The following LOXHD1 variants were observed in gnomAD, a reference collection of about 807,000 sequenced individuals.
LOXHD1 encodes lipoxygenase homology PLAT domains 1, also known as lipoxygenase homology domain-containing protein 1.
A neutral mutation model predicts 248.2 loss-of-function variants in LOXHD1; 205 were observed. That is an observed-to-expected ratio of 0.83 (90% CI 0.74 to 0.93). LOXHD1 has a LOEUF of 0.93. Among genes scored for constraint, LOXHD1 ranks in the 40% least tolerant of loss-of-function variants. The pLI, the probability that LOXHD1 is intolerant of heterozygous loss-of-function variation, is 0.00. For missense variants in LOXHD1, 2,930 were observed against 2,971.6 expected, an observed-to-expected ratio of 0.99 and a Z score of 0.33; for synonymous variants, 1,113 against 1,162.8, an observed-to-expected ratio of 0.96 and a Z score of 0.87.
chr18:46,649,160 G>A lies in LOXHD1; in HGVS notation c.240C>T (p.Thr80=), dbSNP rs1198958401. The A allele has an allele frequency of 6.4e-7, 1 of 1,551,570 alleles. No individual in the cohort carries two copies. The highest frequency in any genetic ancestry group is 8.7e-7 in the Non-Finnish European group (1 of 1,146,844). Residue 80 remains threonine (T), a synonymous_variant, in exon 2 of 41, where the codon ACC becomes ACT. Coordinates refer to ENST00000642948, the MANE Select transcript of LOXHD1 (RefSeq NM_001384474.1). The stretch of plus-strand genomic sequence containing the variant: ...AAGGCCAAGTGGGTACTCACTTGCT[G>A]GTGAGCTGGAGCTTGGGAGAGAGCC... ...ENGLSPKLQL[T]SKSKSAFEKG...
intron 29 of LOXHD1, among the ~76,000 whole-genome samples, chr18:46,528,870 A>G: frequency 6.6e-6 from 1 of 152,082 alleles, no homozygotes; most frequent in East Asian, 1.9e-4. Context: ...TGCACAGTGA[A>G]CTGGATTTTC....
At chr18:46,562,979 T>C in intron 18 of LOXHD1, 86 bp downstream of exon 18, 2 of 1,446,652 alleles carry the variant, frequency 1.4e-6, no homozygotes, top group South Asian at 1.4e-5. Context: ...GGGTGAGTAT[T>C]GACTGAGGAA....
chr18:46,509,941 C>T (rs2034856220), intron 34 of LOXHD1, 126 bp from the exon 35 acceptor site: 2 of 684,864 alleles, frequency 2.9e-6, no homozygotes, highest in East Asian at 2.7e-5. Context: ...AGCCCCTCTG[C>T]TCTCAGCAAC....
At chr18:46,540,390 C>A (rs986560501) in intron 25 of LOXHD1, among the ~76,000 whole-genome samples, 9 of 152,196 alleles carry the variant, frequency 5.9e-5, no homozygotes, top group Admixed American at 5.2e-4. Context: ...CAGCCTCGAC[C>A]CTGCTGGGTG....
intron 1 of LOXHD1, among the ~76,000 whole-genome samples, chr18:46,650,168 C>A (rs1214910755): frequency 6.6e-6 from 1 of 152,130 alleles, no homozygotes; most frequent in Non-Finnish European, 1.5e-5. Flanking sequence ...ACTCATGTCT[C>A]CAAAATAATT....
intron 14 of LOXHD1, among the ~76,000 whole-genome samples, chr18:46,576,914 G>A (rs2037868435): frequency 2.6e-5 from 4 of 152,200 alleles, no homozygotes; most frequent in African/African-American, 9.7e-5. Context: ...TTACTGGGCA[G>A]CTGTGCAACT....
intron 20 of LOXHD1, 132 bp from the exon 21 acceptor site, chr18:46,557,621 G>T (rs1356532959): frequency 9.2e-7 from 1 of 1,083,226 alleles, no homozygotes; most frequent in East Asian, 2.6e-5. Context: ...CAGGAGTGGG[G>T]ATGATGGAGA....
chr18:46,581,522 G>A (rs558613109), intron 12 of LOXHD1, among the ~76,000 whole-genome samples: 6 of 152,242 alleles, frequency 3.9e-5, no homozygotes, highest in Admixed American at 1.3e-4. Flanking sequence ...TGGAGGGTCA[G>A]GATTGGTGAT....
intron 8 of LOXHD1, among the ~76,000 whole-genome samples, chr18:46,600,068 C>T (rs1312519597): frequency 6.6e-6 from 1 of 152,188 alleles, no homozygotes; most frequent in Non-Finnish European, 1.5e-5. Flanking sequence ...TGACCTAGCA[C>T]TTTCATTCTG....
At chr18:46,656,721 A>G (rs2039186886) in intron 1 of LOXHD1, among the ~76,000 whole-genome samples, 183 bp downstream of exon 1, 1 of 152,194 alleles carries the variant, frequency 6.6e-6, no homozygotes, top group South Asian at 2.1e-4. Flanking sequence ...TACAACAGGG[A>G]CCCCACCATC....
chr18:46,544,430 G>A (rs2036705924), intron 23 of LOXHD1, among the ~76,000 whole-genome samples: 1 of 151,596 alleles, frequency 6.6e-6, no homozygotes, highest in South Asian at 2.1e-4. Flanking sequence ...CTTTGATCAT[G>A]GTTCAGGAAT....
intron 1 of LOXHD1, 56 bp from the exon 2 acceptor site, chr18:46,649,325 T>C: frequency 1.4e-6 from 2 of 1,434,608 alleles, no homozygotes; most frequent in Non-Finnish European, 1.9e-6. Flanking sequence ...CGGAATCCTG[T>C]GTGGGCCTGG....
At position 46,533,301 on chromosome 18, in the gene LOXHD1, T is replaced by G. The variant is rs1424634800; in HGVS notation, c.4236A>C (p.Pro1412=). The G allele has an allele frequency of 6.4e-7, 1 of 1,551,674 alleles. No individual in the cohort carries two copies. The highest frequency in any genetic ancestry group is 8.7e-7 in the Non-Finnish European group (1 of 1,147,014). The part of the protein sequence containing the change: ...DKDGAETLTF[P]CDRWLATSED... ...CAGAGGTGGCAAGCCACCGATCGCATGGGAAAGTCAAGGTCTCTGCACCCT... is the reference window on the plus strand; with the variant it reads ...CAGAGGTGGCAAGCCACCGATCGCAGGGGAAAGTCAAGGTCTCTGCACCCT... The change falls in exon 28 of 41, where the codon CCA becomes CCC. Residue 1412 remains proline, a synonymous_variant. Coordinates refer to ENST00000642948, the MANE Select transcript of LOXHD1 (RefSeq NM_001384474.1).
chr18:46,546,308 TACTCCACTCC>T (rs1160074132), intron 22 of LOXHD1, among the ~76,000 whole-genome samples: 1 of 151,330 alleles, frequency 6.6e-6, no homozygotes, highest in South Asian at 2.1e-4. Context: ...CATTCCATTC[TACTCCACTCC>T]ACTCCACTCC....
chr18:46,586,162 T>C (rs1482715156), intron 12 of LOXHD1, among the ~76,000 whole-genome samples: 2 of 152,204 alleles, frequency 1.3e-5, no homozygotes, highest in Admixed American at 6.5e-5. Flanking sequence ...GGTCACATAT[T>C]GTATGACTCT....
chr18:46,560,043 GCCACTCCCTCC>G, intron 19 of LOXHD1, 29 bp downstream of exon 19: 4 of 1,401,406 alleles, frequency 2.9e-6, no homozygotes, highest in Non-Finnish European at 3.9e-6. Flanking sequence ...GAACTGTCTG[GCCACTCCCTCC>G]CCACCCCCAC....
chr18:46,524,795 G>A lies in LOXHD1; in HGVS notation c.4653C>T (p.Thr1551=), dbSNP rs948582350. The part of the protein sequence containing the change: ...YVEKVEIWND[T]NEDEFLFLCG... ...ATAGGAACAGGAACTCGTCCTCGTTGGTGTCATTCCAGATCTCCACCTTCT... is the reference window on the plus strand; with the variant it reads ...ATAGGAACAGGAACTCGTCCTCGTTAGTGTCATTCCAGATCTCCACCTTCT... Residue 1551 remains threonine (T), a synonymous_variant, in exon 30 of 41, where the codon ACC becomes ACT. Transcript: ENST00000642948. 6.4e-7 allele frequency: 1 copy of A among 1,551,734 alleles called. No homozygotes were observed.
intron 5 of LOXHD1, among the ~76,000 whole-genome samples, chr18:46,611,278 C>T (rs934994222): frequency 3.9e-5 from 6 of 152,160 alleles, no homozygotes; most frequent in Non-Finnish European, 5.9e-5. Flanking sequence ...AAGGGGCTGT[C>T]GGTATTCAGC....
rs552570111 is a variant in LOXHD1 at position 46,553,951 on chromosome 18, G to T, written c.3350+3405C>A. 2.0e-5 allele frequency among the ~76,000 whole-genome samples: 3 copies of T among 152,326 alleles called. No individual in the cohort carries two copies. The South Asian group carries it at 6.2e-4, about 32-fold the overall frequency. ...TGTTGGGTTCAAGGAACAGCAAGGA[G>T]TGAGCAAGGGGGAATCAGAATAGAG... On this transcript the variant is annotated intron_variant, in intron 21 of 40. Transcript: ENST00000642948.
Sources: gnomAD v4.1 joint callset for allele counts (sites outside exome capture counted in the v4.1 genomes callset) on GRCh38, gnomAD v4.1.1 for gene constraint, MANE v1.5 for transcripts, NCBI Gene and HGNC (gene_info 2026-07-23, HGNC 2026-07-21) for gene names.